The following UBE2O variants were observed in gnomAD, a reference collection of about 807,000 sequenced individuals.
UBE2O encodes ubiquitin conjugating enzyme E2 O, also known as (E3-independent) E2 ubiquitin-conjugating enzyme.
Under a neutral mutation model 125.8 loss-of-function variants are expected in UBE2O, and 15 were observed. The observed-to-expected ratio is 0.12, with a 90% CI of 0.08 to 0.18. The LOEUF is 0.18. UBE2O is among the 10% of genes least tolerant of loss of function. The pLI is 1.00. For synonymous variants in UBE2O, 708 were observed against 703.2 expected (o/e 1.01, Z -0.11); for missense variants, 1,280 against 1,723.6 (o/e 0.74, Z 4.56).
intron 1 of UBE2O, among the ~76,000 whole-genome samples, chr17:76,413,699 A>C (rs1236221334): frequency 1.3e-5 from 2 of 152,176 alleles, no homozygotes; most frequent in African/African-American, 2.4e-5. Context: ...GCCAGGCTTC[A>C]GGGCAGTTAC....
At chr17:76,417,788 G>C (rs1178099125) in intron 1 of UBE2O, among the ~76,000 whole-genome samples, 1 of 152,228 alleles carries the variant, frequency 6.6e-6, no homozygotes, top group Non-Finnish European at 1.5e-5. Context: ...AAGAGGAGCA[G>C]GTGTTTGATG....
At chr17:76,416,103 GTA>G (rs199508873) in intron 1 of UBE2O, among the ~76,000 whole-genome samples, 2,597 of 151,244 alleles carry the variant, frequency 0.017, 76 homozygotes, top group African/African-American at 0.059. Flanking sequence ...ATGTATATGC[GTA>G]TGTGTATACA....
At chr17:76,437,226 G>A (rs1045354735) in intron 1 of UBE2O, among the ~76,000 whole-genome samples, 7 of 151,206 alleles carry the variant, frequency 4.6e-5, no homozygotes, top group South Asian at 2.1e-4. Flanking sequence ...CAAGGCAGGC[G>A]GATCACGAGG....
At position 76,400,180 on chromosome 17, in the gene UBE2O, G is replaced by GT; in HGVS notation, c.1121dup (p.Asn374LysfsTer60). 6.2e-7 allele frequency: 1 copy of GT among 1,614,120 alleles called. No individual in the cohort carries two copies. The highest frequency in any genetic ancestry group is 8.5e-7 in the Non-Finnish European group (1 of 1,180,018). On this transcript the variant is annotated frameshift_variant, in exon 8 of 18. Transcript: ENST00000319380. LOFTEE classifies it high-confidence loss of function. This position sits in a 1 kb window ranked among gnomAD's most constrained non-coding sequence, Gnocchi z 4.3. ...CCATAGAGCCCTCCCCCTGGGCGCAGTTTTTTTCTGGACATTCCCAGGCAA... is the reference window on the plus strand; with the variant it reads ...CCATAGAGCCCTCCCCCTGGGCGCAGTTTTTTTTCTGGACATTCCCAGGCAA...
chr17:76,397,856 G>A lies in UBE2O; in HGVS notation c.2058C>T (p.Val686=), dbSNP rs148812781. 4 of 1,614,044 alleles carry A rather than the reference G, an allele frequency of 2.5e-6. No individual in the cohort carries two copies. Among genetic ancestry groups the A allele is most frequent in the Non-Finnish European group, 3.4e-6 (4 of 1,180,046 alleles). Residue 686 remains valine, a synonymous_variant, in exon 13 of 18, where the codon GTC becomes GTT. Transcript: ENST00000319380. ...CCCACACCACCTCCACCTTGCTGCT[G>A]ACGTCCACACGGGCCACCTGGCCCA... is the stretch of plus-strand genomic sequence containing the variant. ...PSVGQVARVD[V]SSKVEVVWAD... is the part of the protein sequence containing the mutation.
chr17:76,439,353 T>C (rs1000915334), intron 1 of UBE2O, among the ~76,000 whole-genome samples: 2 of 152,200 alleles, frequency 1.3e-5, no homozygotes, highest in African/African-American at 4.8e-5. Flanking sequence ...TCTAGCTCAG[T>C]GGTCCTCAAA....
rs1256914477 is a variant in UBE2O at position 76,395,136 on chromosome 17, G to A, written c.2946+589C>T. ...GGTGATCCACCTGCCTCGGCTTCCC[G>A]AAGTGCTGGGATTACAGTCGTGAGC... On this transcript the variant is annotated intron_variant, in intron 15 of 17. Transcript: ENST00000319380. This position sits in a 1 kb window ranked among gnomAD's most constrained non-coding sequence, Gnocchi z 5.0. Among the ~76,000 whole-genome samples the A allele has an allele frequency of 7.3e-5, 11 of 151,514 alleles. No individual in the cohort carries two copies. Among genetic ancestry groups the A allele is most frequent in the African/African-American group, 2.7e-4 (11 of 41,170 alleles).
intron 13 of UBE2O, 112 bp downstream of exon 13, chr17:76,397,687 T>G: frequency 7.5e-6 from 8 of 1,070,788 alleles, no homozygotes; most frequent in Non-Finnish European, 1.0e-5. Flanking sequence ...ACGCTTTCGC[T>G]GAGATCTCAC....
chr17:76,398,675 C>A lies in UBE2O; in HGVS notation c.1784-91G>T. 6.8e-7 allele frequency: 1 copy of A among 1,480,950 alleles called. No homozygotes were observed. The highest frequency in any genetic ancestry group is 1.4e-5 in the African/African-American group (1 of 72,248). The allele number at this position is 1,480,950 out of a possible 1,614,324, so 91.7% of individuals were successfully genotyped here. On this transcript the variant is annotated intron_variant, in intron 10 of 17. Transcript: ENST00000319380. This position sits in a 1 kb window ranked among gnomAD's most constrained non-coding sequence, Gnocchi z 5.4. Reference sequence around the variant, plus strand: ...CCAGTGCAGAGTGCAGAACCCTGACCTTCCCCCGTCTTGGAAGTGGTGAGA... The same window carrying A: ...CCAGTGCAGAGTGCAGAACCCTGACATTCCCCCGTCTTGGAAGTGGTGAGA...
intron 1 of UBE2O, among the ~76,000 whole-genome samples, chr17:76,408,388 G>A (rs2072459800): frequency 6.6e-6 from 1 of 152,144 alleles, no homozygotes; most frequent in Non-Finnish European, 1.5e-5. Context: ...TGCTCATTTT[G>A]CAGATACGCA....
chr17:76,426,220 T>A (rs1409052819), intron 1 of UBE2O, among the ~76,000 whole-genome samples: 1 of 152,140 alleles, frequency 6.6e-6, no homozygotes, highest in Non-Finnish European at 1.5e-5. Flanking sequence ...CCCAGGCTGG[T>A]CTCGAACGGG....
At chr17:76,411,037 G>C (rs1445510840) in intron 1 of UBE2O, among the ~76,000 whole-genome samples, 3 of 151,700 alleles carry the variant, frequency 2.0e-5, no homozygotes, top group Admixed American at 6.6e-5. Context: ...TTGGTGTGGT[G>C]GGGGAGGGGG....
intron 1 of UBE2O, among the ~76,000 whole-genome samples, chr17:76,438,530 C>G (rs541557159): frequency 3.3e-5 from 5 of 152,210 alleles, no homozygotes; most frequent in African/African-American, 1.2e-4. Flanking sequence ...CTCAAACGTC[C>G]TTCACACCTT....
intron 1 of UBE2O, among the ~76,000 whole-genome samples, chr17:76,445,924 T>G (rs2073143219): frequency 6.6e-6 from 1 of 152,126 alleles, no homozygotes; most frequent in South Asian, 2.1e-4. Flanking sequence ...TGGGCAGCAT[T>G]TAGACCATGA....
rs1468356553 is a variant in UBE2O, at chr17:76,424,144, G to A, written c.418-18572C>T. 2.0e-5 allele frequency among the ~76,000 whole-genome samples: 3 copies of A among 151,020 alleles called. No individual in the cohort carries two copies. The East Asian group carries it at 5.8e-4, about 29-fold the overall frequency. On this transcript the variant is annotated intron_variant, in intron 1 of 17. Coordinates refer to ENST00000319380, the MANE Select transcript of UBE2O (RefSeq NM_022066.4). The stretch of plus-strand genomic sequence containing the variant: ...AGGATGGTCTCGATCTCCTGACCTT[G>A]TGATCCGTCCGTCTCGGCCTCCCAA...
At chr17:76,449,254 A>T (rs1361981851) in intron 1 of UBE2O, among the ~76,000 whole-genome samples, 1 of 152,236 alleles carries the variant, frequency 6.6e-6, no homozygotes, top group East Asian at 1.9e-4. Flanking sequence ...CCTATGAAAC[A>T]CTCCACATTA....
At chr17:76,432,145 G>C (rs576706149) in intron 1 of UBE2O, among the ~76,000 whole-genome samples, 3 of 152,292 alleles carry the variant, frequency 2.0e-5, no homozygotes, top group African/African-American at 7.2e-5. Context: ...CTGTGAGGCA[G>C]CAGCAGCCAA....
At chr17:76,419,110 C>A (rs1257008463) in intron 1 of UBE2O, among the ~76,000 whole-genome samples, 1 of 132,460 alleles carries the variant, frequency 7.5e-6, no homozygotes, top group Non-Finnish European at 1.6e-5. Context: ...CTAGTGAGAC[C>A]CTATCTCTAC....
intron 1 of UBE2O, among the ~76,000 whole-genome samples, chr17:76,429,473 C>A (rs540387286): frequency 6.7e-4 from 90 of 134,146 alleles, no homozygotes; most frequent in Non-Finnish European, 9.0e-4. Flanking sequence ...GCCTGGGAGG[C>A]AGAGGTTGCA....
Sources: allele counts gnomAD v4.1 joint callset (sites outside exome capture counted in the v4.1 genomes callset), GRCh38; gene constraint gnomAD v4.1.1; non-coding constraint Gnocchi (gnomAD v3.1); transcripts MANE v1.5; gene names NCBI Gene and HGNC (gene_info 2026-07-23, HGNC 2026-07-21).